Variants in ARHGAP23 observed in about 807,000 individuals in gnomAD.
ARHGAP23 encodes rho GTPase-activating protein 23.
ARHGAP23 carries 34 observed loss-of-function variants against 136.3 expected under a neutral mutation model. The ratio of observed to expected loss-of-function variants is 0.25; its 90% CI spans 0.19 to 0.33. ARHGAP23 has a LOEUF of 0.33. ARHGAP23 is among the 10% of genes least tolerant of loss of function. ARHGAP23 has a pLI of 1.00. For missense variants in ARHGAP23, 1,808 were observed against 2,139.0 expected (o/e 0.85, Z 3.05); for synonymous variants, 832 against 920.5 (o/e 0.90, Z 1.74).
At chr17:38,427,462 GAAA>G (rs11408302), upstream of ARHGAP23, among the ~76,000 whole-genome samples, 28 of 144,762 alleles carry the variant, frequency 1.9e-4, no homozygotes, top group Non-Finnish European at 7.6e-5. Context: ...AGACCCTGCC[GAAA>G]AAAAAAAAAG....
At chr17:38,462,536 G>A (rs900677476) in intron 3 of ARHGAP23, among the ~76,000 whole-genome samples, 3 of 152,192 alleles carry the variant, frequency 2.0e-5, no homozygotes, top group African/African-American at 7.2e-5. Flanking sequence ...GATTACAGGC[G>A]TGAGCTACCA....
chr17:38,502,270 C>A (rs1373891600), intron 23 of ARHGAP23, among the ~76,000 whole-genome samples: 2 of 152,204 alleles, frequency 1.3e-5, no homozygotes, highest in Admixed American at 1.3e-4. Context: ...CGTGCCACTG[C>A]ACTCCAGTCT....
At chr17:38,498,694 G>A (rs748986382) in intron 22 of ARHGAP23, among the ~76,000 whole-genome samples, 184 bp downstream of exon 22, 11 of 152,284 alleles carry the variant, frequency 7.2e-5, no homozygotes, top group South Asian at 4.1e-4. Context: ...AGCTTGCCCC[G>A]TGCCCACCTC....
chr17:38,427,929 T>C (rs1325697619), upstream of ARHGAP23, among the ~76,000 whole-genome samples: 1 of 152,166 alleles, frequency 6.6e-6, no homozygotes, highest in Non-Finnish European at 1.5e-5. Context: ...CCTTTTTCTG[T>C]CTTCCCCCCT....
Position 38,462,040 on chromosome 17 carries a change from C to A in ARHGAP23, c.254-806C>A, listed in dbSNP as rs188023030. Among the ~76,000 whole-genome samples the A allele has an allele frequency of 3.2e-3, 494 of 152,042 alleles. 2 individuals are homozygous for A. Among genetic ancestry groups the A allele is most frequent in the African/African-American group, 0.012 (477 of 41,454 alleles). On this transcript the variant is annotated intron_variant, in intron 3 of 23. Coordinates refer to ENST00000622683, the MANE Select transcript of ARHGAP23 (RefSeq NM_001199417.2). ...CTATCCGGGCTCACTGCAACCTCCA[C>A]CTCCCGGGTTCAAGCAATTCTTCTG...
rs2040377475 is a variant in ARHGAP23 at position 38,495,710 on chromosome 17, G to C, written c.3277-2075G>C. 5.9e-5 allele frequency among the ~76,000 whole-genome samples: 9 copies of C among 152,102 alleles called. No homozygotes were observed. The South Asian group carries it at 1.7e-3, about 28-fold the overall frequency. ...TTGTTTCCCCTCTTCATTCCCCTAG[G>C]TGCCCACTCTTAATAGGCTAATATG... is the stretch of plus-strand genomic sequence containing the variant. On this transcript the variant is annotated intron_variant, in intron 20 of 23. Transcript: ENST00000622683.
At chr17:38,419,713 C>T (rs1400549496) in intron 1 of ARHGAP23, among the ~76,000 whole-genome samples, 1 of 152,142 alleles carries the variant, frequency 6.6e-6, no homozygotes, top group Non-Finnish European at 1.5e-5. Context: ...GAGAAACCCC[C>T]ATCCCCACTT....
chr17:38,442,452 C>T (rs557679031), intron 1 of ARHGAP23, among the ~76,000 whole-genome samples: 12 of 152,342 alleles, frequency 7.9e-5, no homozygotes, highest in Non-Finnish European at 1.5e-5. Context: ...CCACCCTGGG[C>T]CAGGAACCAG....
At chr17:38,502,919 C>A (rs2040552745) in intron 23 of ARHGAP23, among the ~76,000 whole-genome samples, 1 of 152,152 alleles carries the variant, frequency 6.6e-6, no homozygotes, top group African/African-American at 2.4e-5. Context: ...GTGGGGCATG[C>A]CTGTAGTCCC....
At chr17:38,484,959 G>C (rs1461502418) in intron 16 of ARHGAP23, among the ~76,000 whole-genome samples, 1 of 152,076 alleles carries the variant, frequency 6.6e-6, no homozygotes, top group African/African-American at 2.4e-5. Flanking sequence ...TCTTTGTTGG[G>C]GGTATTAGGT....
Position 38,491,378 on chromosome 17 carries a change from G to A in ARHGAP23, c.3151-29G>A, listed in dbSNP as rs753380605. On this transcript the variant is annotated intron_variant, in intron 19 of 23. Transcript: ENST00000622683. ...GAGGGAGGACTGAGGTCAGGATGTT[G>A]ACAGTGACCTGCTTTCCCTGCTGCC... is the stretch of plus-strand genomic sequence containing the variant. 9.7e-6 allele frequency: 15 copies of A among 1,549,654 alleles called. 1 individual carries two copies. In the South Asian group the frequency reaches 1.8e-4, roughly 18 times the overall value.
Position 38,469,391 on chromosome 17 carries a change from T to G in ARHGAP23, c.1804+92T>G. ...GGCCTGCTGCTTGATGTCTGGCCTC[T>G]TCCTCTGGTTTCCGCTTCTCCTGCG... On this transcript the variant is annotated intron_variant, in intron 8 of 23. Coordinates refer to ENST00000622683, the MANE Select transcript of ARHGAP23 (RefSeq NM_001199417.2). 3 of 1,465,412 alleles carry G rather than the reference T, an allele frequency of 2.0e-6. No homozygotes were observed. In the South Asian group the frequency reaches 4.1e-5, roughly 20 times the overall value. 90.8% of individuals were successfully genotyped at this position (1,465,412 alleles called of 1,614,324 possible). A position where few individuals can be genotyped will look rare whatever the true frequency, so the allele number is the denominator to read the frequency against.
At position 38,510,782 on chromosome 17, in the gene ARHGAP23, G is replaced by C. The variant is rs1002625737; in HGVS notation, c.4286G>C (p.Gly1429Ala). 8 of 1,498,696 alleles carry C rather than the reference G, an allele frequency of 5.3e-6. No individual in the cohort carries two copies. The Admixed American group carries it at 6.8e-5, about 13-fold the overall frequency. 92.8% of individuals were successfully genotyped at this position (1,498,696 alleles called of 1,614,324 possible). The change falls in exon 24 of 24, where the codon GGC (glycine) becomes GCC (alanine). Residue 1429 changes from glycine to alanine, a missense_variant. By Grantham distance (60) the Gly-to-Ala change is moderately conservative. Coordinates refer to ENST00000622683, the MANE Select transcript of ARHGAP23 (RefSeq NM_001199417.2). This position sits in a 1 kb window ranked among gnomAD's most constrained non-coding sequence, Gnocchi z 4.6. ...GAGTGGAAGGAGCTGGGCGGAGGGG[G>C]CCCCCCGGAGCCTGCGGGCGCGCGG... ...FNEWKELGGG[G>A]PPEPAGARAH...
rs1212686949 is a variant in ARHGAP23 at position 38,510,767 on chromosome 17, A to G, written c.4271A>G (p.Glu1424Gly). The G allele has an allele frequency of 1.3e-6, 2 of 1,494,346 alleles. No homozygotes were observed. Among genetic ancestry groups the G allele is most frequent in the Non-Finnish European group, 8.9e-7 (1 of 1,124,496 alleles). The allele number at this position is 1,494,346 out of a possible 1,614,324, so 92.6% of individuals were successfully genotyped here. A position where few individuals can be genotyped will look rare whatever the true frequency, so the allele number is the denominator to read the frequency against. The part of the protein sequence containing the change: ...LTDLNFNEWK[E>G]LGGGGPPEPA... Reference sequence around the variant, plus strand: ...GACCTCAACTTCAACGAGTGGAAGGAGCTGGGCGGAGGGGGCCCCCCGGAG... The same window carrying G: ...GACCTCAACTTCAACGAGTGGAAGGGGCTGGGCGGAGGGGGCCCCCCGGAG... Residue 1424 changes from glutamate (E) to glycine (G), a missense_variant, in exon 24 of 24, where the codon GAG becomes GGG. Glu to Gly is a moderately conservative substitution (Grantham distance 98, BLOSUM62 -2). This residue lies in a region of ARHGAP23 where 506 missense variants were observed against 455.8 expected (regional missense o/e 1.11). Transcript: ENST00000622683. The surrounding 1 kb of genome is among the most constrained non-coding windows in gnomAD (Gnocchi z 4.6).
At chr17:38,499,557 AC>A (rs1373551834) in intron 22 of ARHGAP23, among the ~76,000 whole-genome samples, 1 of 152,120 alleles carries the variant, frequency 6.6e-6, no homozygotes, top group Non-Finnish European at 1.5e-5. Context: ...TTCGTCTCTG[AC>A]AGAGGCACAC....
intron 11 of ARHGAP23, among the ~76,000 whole-genome samples, chr17:38,476,886 A>C (rs2039905015): frequency 6.6e-6 from 1 of 152,100 alleles, no homozygotes; most frequent in Non-Finnish European, 1.5e-5. Context: ...CTGGCTGTTT[A>C]ACTACAGGTG....
In ARHGAP23 at chr17:38,477,352, G is replaced by C. The variant is rs1470555186; in HGVS notation, c.2119-227G>C. ...GGGGGAGAGGGTTGGGGTCTGCTGG[G>C]GGGCTTTAGGATGATGGGTAGGGGT... On this transcript the variant is annotated intron_variant, in intron 11 of 23. Transcript: ENST00000622683. This position sits in a 1 kb window ranked among gnomAD's most constrained non-coding sequence, Gnocchi z 6.6. 6.6e-6 allele frequency among the ~76,000 whole-genome samples: 1 copy of C among 152,022 alleles called. No homozygotes were observed. Among genetic ancestry groups the C allele is most frequent in the Non-Finnish European group, 1.5e-5 (1 of 67,970 alleles).
upstream of ARHGAP23, among the ~76,000 whole-genome samples, chr17:38,425,365 A>G (rs1390630953): frequency 2.0e-5 from 3 of 152,312 alleles, no homozygotes; most frequent in East Asian, 3.9e-4. Flanking sequence ...AGGAAGCCCA[A>G]GAAGCTCAAG....
intron 7 of ARHGAP23, 54 bp from the exon 8 acceptor site, chr17:38,469,086 GAGGC>G: frequency 6.7e-7 from 1 of 1,494,892 alleles, no homozygotes. Context: ...GGCTAGGGTG[GAGGC>G]AGGCAGGCTC....
Sources: allele counts gnomAD v4.1 joint callset (sites outside exome capture counted in the v4.1 genomes callset), GRCh38; gene constraint gnomAD v4.1.1; regional missense constraint gnomAD v4.1.1; non-coding constraint Gnocchi (gnomAD v3.1); transcripts MANE v1.5; gene names NCBI Gene and HGNC (gene_info 2026-07-23, HGNC 2026-07-21).